The following SYNE2 variants were observed in gnomAD, a reference collection of about 807,000 sequenced individuals.
SYNE2 encodes the protein spectrin repeat containing nuclear envelope protein 2, also known as nesprin-2.
In SYNE2, 431 loss-of-function variants were observed where a neutral mutation model predicts 856.3. The observed-to-expected ratio is 0.50, with a 90% CI of 0.47 to 0.55. The LOEUF is 0.55. SYNE2 is among the 20% of genes least tolerant of loss of function. SYNE2 has a pLI of 0.00. For synonymous variants in SYNE2, 2,923 were observed against 2,872.3 expected, an observed-to-expected ratio of 1.02 and a Z score of -0.56; for missense variants, 8,129 against 8,023.2, an observed-to-expected ratio of 1.01 and a Z score of -0.50.
At chr14:64,065,319 C>T (rs2097350568) in intron 50 of SYNE2, 113 bp from the exon 51 acceptor site, 2 of 909,232 alleles carry the variant, frequency 2.2e-6, no homozygotes, top group Non-Finnish European at 3.4e-6. Context: ...GTGGATCATG[C>T]AATACTTATG....
At chr14:64,040,967 A>C (rs2097143933) in intron 45 of SYNE2, among the ~76,000 whole-genome samples, 1 of 152,144 alleles carries the variant, frequency 6.6e-6, no homozygotes, top group African/African-American at 2.4e-5. Flanking sequence ...CTTAAAGGCA[A>C]CTAGAGAAAA....
chr14:64,005,956 T>C (rs1340203053), intron 30 of SYNE2, among the ~76,000 whole-genome samples: 1 of 152,154 alleles, frequency 6.6e-6, no homozygotes, highest in Admixed American at 6.5e-5. Context: ...TACAGTAGGA[T>C]GAAAATCAAG....
At chr14:64,206,559 T>C (rs977909628) in intron 100 of SYNE2, among the ~76,000 whole-genome samples, 13 of 151,742 alleles carry the variant, frequency 8.6e-5, no homozygotes, top group Non-Finnish European at 1.2e-4. Flanking sequence ...TGAAAATGTT[T>C]GGGCTTTTTT....
chr14:63,916,941 T>A (rs1413298782), intron 2 of SYNE2, among the ~76,000 whole-genome samples: 1 of 151,544 alleles, frequency 6.6e-6, no homozygotes, highest in Non-Finnish European at 1.5e-5. Context: ...AAAAAAAAAA[T>A]TAGCTGGGCA....
chr14:63,835,955 C>T (rs1889845021), intron 1 of SYNE2, among the ~76,000 whole-genome samples: 1 of 145,514 alleles, frequency 6.9e-6, no homozygotes, highest in South Asian at 2.2e-4. Flanking sequence ...TGCACTCCAG[C>T]CTGGGAAACA....
At chr14:64,013,746 C>T (rs2096866893) in intron 32 of SYNE2, among the ~76,000 whole-genome samples, 1 of 152,074 alleles carries the variant, frequency 6.6e-6, no homozygotes, top group Admixed American at 6.6e-5. Flanking sequence ...AGAAGACAAA[C>T]CTCCCCAGTT....
At chr14:63,819,878 A>G (rs1376005241) in intron 1 of SYNE2, among the ~76,000 whole-genome samples, 3 of 152,234 alleles carry the variant, frequency 2.0e-5, no homozygotes, top group African/African-American at 7.2e-5. Flanking sequence ...TCAAAAACTG[A>G]AACTAGAAAT....
At chr14:63,948,760 G>GTGTGTA (rs1297322017) in intron 6 of SYNE2, among the ~76,000 whole-genome samples, 8,470 of 54,492 alleles carry the variant, frequency 0.16, 881 homozygotes, top group African/African-American at 0.23. Flanking sequence ...GTATATATAT[G>GTGTGTA]TATATATATG....
chr14:64,045,314 G>A (rs1041060648), intron 45 of SYNE2, among the ~76,000 whole-genome samples: 1 of 152,014 alleles, frequency 6.6e-6, no homozygotes, highest in South Asian at 2.1e-4. Context: ...TAGTCCTCAG[G>A]TACTGGATCA....
intron 1 of SYNE2, among the ~76,000 whole-genome samples, chr14:63,856,523 G>T (rs1891781536): frequency 6.6e-6 from 1 of 152,160 alleles, no homozygotes. Context: ...GAGTGGGACA[G>T]GCCAAATTGG....
chr14:64,086,409 G>A (rs999846887), intron 57 of SYNE2, among the ~76,000 whole-genome samples: 2 of 152,108 alleles, frequency 1.3e-5, no homozygotes, highest in Non-Finnish European at 2.9e-5. Context: ...TAGCTTTACA[G>A]TAAGTCTTGA....
chr14:63,921,279 A>G (rs1166547497), intron 2 of SYNE2, among the ~76,000 whole-genome samples: 4 of 152,196 alleles, frequency 2.6e-5, no homozygotes, highest in South Asian at 2.1e-4. Context: ...CGAGATGTCT[A>G]TGGAATAACC....
At chr14:63,892,729 C>CTTTTTTTTT (rs11293385) in intron 1 of SYNE2, among the ~76,000 whole-genome samples, 2 of 130,248 alleles carry the variant, frequency 1.5e-5, no homozygotes, top group African/African-American at 2.9e-5. Context: ...GGTGTACTTT[C>CTTTTTTTTT]TTTTTTTTTT....
chr14:64,103,265 C>G (rs2097748512), intron 64 of SYNE2, among the ~76,000 whole-genome samples: 1 of 151,940 alleles, frequency 6.6e-6, no homozygotes, highest in Non-Finnish European at 1.5e-5. Flanking sequence ...AAAGGAGCAG[C>G]TAAAAGCTTC....
chr14:63,904,580 G>A lies in SYNE2; in HGVS notation c.-51-4518G>A, dbSNP rs140522670. ...TTTCTCTGATAATTAGTGATGATAA[G>A]CATTTTTTCATGTTAGTTGGCCACT... On this transcript the variant is annotated intron_variant, in intron 1 of 115. Coordinates refer to ENST00000555002, the MANE Select transcript of SYNE2 (RefSeq NM_182914.3). 2.8e-4 allele frequency among the ~76,000 whole-genome samples: 42 copies of A among 152,090 alleles called. 1 individual carries two copies. The highest frequency in any genetic ancestry group is 9.6e-4 in the African/African-American group (40 of 41,518).
rs1346857645 is a variant in SYNE2, at chr14:64,113,356, A to G, written c.12625A>G (p.Ile4209Val). ...TTTCTCTTAGGGCACCACACCTCCTATTGAGGCTGACACTCTGGACTCTTC... is the reference window on the plus strand; with the variant it reads ...TTTCTCTTAGGGCACCACACCTCCTGTTGAGGCTGACACTCTGGACTCTTC... ...NQTEEGTTPP[I>V]EADTLDSSDA... Residue 4209 changes from isoleucine to valine, a missense_variant, in exon 66 of 116, where the codon ATT (isoleucine) becomes GTT (valine). Around this residue, in one of 3 missense-constraint regions of SYNE2, gnomAD observed 5,410 missense variants for 5,284.8 expected, o/e 1.02. Coordinates refer to ENST00000555002, the MANE Select transcript of SYNE2 (RefSeq NM_182914.3). The G allele has an allele frequency of 6.2e-7, 1 of 1,613,860 alleles. No homozygotes were observed. Among genetic ancestry groups the G allele is most frequent in the Admixed American group, 1.7e-5 (1 of 60,006 alleles).
Position 64,062,758 on chromosome 14 carries a change from G to T in SYNE2, c.10075G>T (p.Glu3359Ter). Reference protein sequence around the residue: ...AQETEAERYLENYKCYRKMEE... With the variant: ...AQETEAERYL Reference sequence around the variant, plus strand: ...CTAACTGTGACTCACTAGGTATCTTGAGAATTACAAATGCTATAGAAAAAT... The same window carrying T: ...CTAACTGTGACTCACTAGGTATCTTTAGAATTACAAATGCTATAGAAAAAT... The change falls in exon 50 of 116, where the codon GAG becomes TAG. Residue 3359 changes from glutamate (E) to a stop codon, truncating the protein, a stop_gained. Coordinates refer to ENST00000555002, the MANE Select transcript of SYNE2 (RefSeq NM_182914.3). LOFTEE classifies it high-confidence loss of function. 6.2e-7 allele frequency: 1 copy of T among 1,613,548 alleles called. No homozygotes were observed. Among genetic ancestry groups the T allele is most frequent in the Non-Finnish European group, 8.5e-7 (1 of 1,179,564 alleles).
At position 64,070,394 on chromosome 14, in the gene SYNE2, G is replaced by A. The variant is rs906182312; in HGVS notation, c.10432-251G>A. On this transcript the variant is annotated intron_variant, in intron 51 of 115. Coordinates refer to ENST00000555002, the MANE Select transcript of SYNE2 (RefSeq NM_182914.3). The stretch of plus-strand genomic sequence containing the variant: ...GAAGGAGAAATACATTATTTATGAA[G>A]ATATTCAACAGCATTTCCTTCAGCC... Among the ~76,000 whole-genome samples the A allele has an allele frequency of 2.6e-5, 4 of 152,172 alleles. No homozygotes were observed. The East Asian group carries it at 7.7e-4, about 29-fold the overall frequency.
Position 64,219,390 on chromosome 14 carries a change from C to A in SYNE2, c.19840C>A (p.Leu6614Met). 6.2e-7 allele frequency: 1 copy of A among 1,614,038 alleles called. No individual in the cohort carries two copies. The highest frequency in any genetic ancestry group is 8.5e-7 in the Non-Finnish European group (1 of 1,180,036). ...KPPSDIQEIELRVKRLQEILK... is the reference protein window; with the variant it reads ...KPPSDIQEIEMRVKRLQEILK... ...TCCCTCTGATATCCAGGAAATAGAA[C>A]TGAGAGTGAAGAGACTGCAGGTGAG... Residue 6614 changes from leucine to methionine, a missense_variant, in exon 110 of 116, where the codon CTG becomes ATG. Transcript: ENST00000555002.
Sources: gnomAD v4.1 joint callset for allele counts (sites outside exome capture counted in the v4.1 genomes callset) on GRCh38, gnomAD v4.1.1 for gene constraint, gnomAD v4.1.1 regional missense constraint, MANE v1.5 for transcripts, NCBI Gene and HGNC (gene_info 2026-07-23, HGNC 2026-07-21) for gene names.